REELD1: variants seen among roughly 807,000 people sequenced by gnomAD.
REELD1 encodes reeler domain containing 1.
A neutral mutation model predicts 6.3 loss-of-function variants in REELD1; 12 were observed. The observed-to-expected ratio is 1.89, with a 90% CI of 1.21 to 3.07. The LOEUF is 3.07. Ranked by LOEUF, REELD1 falls within the 30% of genes most tolerant of loss-of-function variation. The pLI, the probability that REELD1 is intolerant of heterozygous loss-of-function variation, is 0.00. For synonymous variants in REELD1, 57 were observed against 33.6 expected (o/e 1.70, Z -2.42); for missense variants, 163 against 86.8 (o/e 1.88, Z -3.49).
intron 1 of REELD1, among the ~76,000 whole-genome samples, 162 bp from the exon 2 acceptor site, chr4:146,214,914 G>C (rs994940310): frequency 1.1e-4 from 17 of 151,980 alleles, no homozygotes; most frequent in Admixed American, 5.9e-4. Flanking sequence ...GAAACCTAAG[G>C]CAGGAGGGTG....
intron 2 of REELD1, among the ~76,000 whole-genome samples, chr4:146,215,990 A>G (rs1368586421): frequency 6.6e-6 from 1 of 152,174 alleles, no homozygotes; most frequent in African/African-American, 2.4e-5. Flanking sequence ...TGCTCACGCA[A>G]TCCACCTGCC....
intron 2 of REELD1, among the ~76,000 whole-genome samples, chr4:146,215,455 T>C (rs1363548707): frequency 6.6e-6 from 1 of 152,208 alleles, no homozygotes; most frequent in Admixed American, 6.5e-5. Flanking sequence ...AAATTTGAGG[T>C]ATAGATCATA....
Position 146,230,047 on chromosome 4 carries a change from C to T in REELD1, c.1115C>T (p.Thr372Ile). 1 of 398,820 alleles carries T rather than the reference C, an allele frequency of 2.5e-6. No individual in the cohort carries two copies. The highest frequency in any genetic ancestry group is 4.4e-6 in the Non-Finnish European group (1 of 226,190). 24.7% of individuals were successfully genotyped at this position (398,820 alleles called of 1,614,324 possible). A position where few individuals can be genotyped will look rare whatever the true frequency, so the allele number is the denominator to read the frequency against. Residue 372 changes from threonine (T) to isoleucine (I), a missense_variant, in exon 8 of 8, where the codon ACC becomes ATC. Physicochemically the swap from Thr to Ile is moderately conservative, Grantham distance 89. Coordinates refer to ENST00000623665, the MANE Select transcript of REELD1 (RefSeq NM_001354631.1). The part of the protein sequence containing the change: ...RASNPIPVLQ[T>I]SGTSGLPAAG... ...AGCAACCCAATCCCTGTCCTCCAGACCTCTGGCACTTCTGGGCTACCTGCT... is the reference window on the plus strand; with the variant it reads ...AGCAACCCAATCCCTGTCCTCCAGATCTCTGGCACTTCTGGGCTACCTGCT...
At chr4:146,227,927 C>T (rs993574109) in intron 5 of REELD1, among the ~76,000 whole-genome samples, 3 of 152,092 alleles carry the variant, frequency 2.0e-5, no homozygotes, top group African/African-American at 7.2e-5. Flanking sequence ...ATGGTGGTCA[C>T]AGTGCTTTCT....
At chr4:146,218,235 C>T (rs1007229155) in intron 3 of REELD1, among the ~76,000 whole-genome samples, 10 of 152,208 alleles carry the variant, frequency 6.6e-5, no homozygotes, top group East Asian at 1.9e-4. Context: ...TTACCAGTTT[C>T]GGGTTGCCCC....
rs565260036 is a variant in REELD1, at chr4:146,217,280, T to G, written c.208+120T>G. On this transcript the variant is annotated intron_variant, in intron 3 of 7. Coordinates refer to ENST00000623665, the MANE Select transcript of REELD1 (RefSeq NM_001354631.1). ...CTAAATTTGGCTTAATCCCTTTTTTTTGTTTTTTGTAGAGATGGAGTCTCA... is the reference window on the plus strand; with the variant it reads ...CTAAATTTGGCTTAATCCCTTTTTTGTGTTTTTTGTAGAGATGGAGTCTCA... The G allele has an allele frequency of 1.3e-4, 52 of 397,348 alleles. No individual in the cohort carries two copies. The South Asian group carries it at 2.3e-3, about 17-fold the overall frequency. The allele number at this position is 397,348 out of a possible 1,614,324, so 24.6% of individuals were successfully genotyped here. A position where few individuals can be genotyped will look rare whatever the true frequency, so the allele number is the denominator to read the frequency against.
chr4:146,230,796 G>A lies in REELD1; in HGVS notation c.*283G>A, dbSNP rs770932234. ...CAACACAATGAATATTGTATAACCC[G>A]CTCATTAACTAGACCCCTGTGGCCA... On this transcript the variant is annotated 3_prime_UTR_variant, in exon 8 of 8. Coordinates refer to ENST00000623665, the MANE Select transcript of REELD1 (RefSeq NM_001354631.1). The A allele has an allele frequency of 1.5e-4, 36 of 239,028 alleles. No individual in the cohort carries two copies. The highest frequency in any genetic ancestry group is 6.0e-4 in the African/African-American group (27 of 44,888). The allele number at this position is 239,028 out of a possible 1,614,324, so 14.8% of individuals were successfully genotyped here.
chr4:146,227,748 G>A (rs1360834999), intron 5 of REELD1, among the ~76,000 whole-genome samples: 1 of 152,190 alleles, frequency 6.6e-6, no homozygotes, highest in African/African-American at 2.4e-5. Flanking sequence ...TTGAAGGGCA[G>A]TGATCTCGTC....
At chr4:146,224,198 A>G (rs1730977109) in intron 4 of REELD1, among the ~76,000 whole-genome samples, 1 of 152,230 alleles carries the variant, frequency 6.6e-6, no homozygotes, top group Non-Finnish European at 1.5e-5. Flanking sequence ...GTATTTATTC[A>G]AGAGGACTAT....
chr4:146,228,603 A>G (rs891986328), intron 6 of REELD1, 81 bp downstream of exon 6: 2 of 611,398 alleles, frequency 3.3e-6, no homozygotes. Flanking sequence ...AGTCTGACAA[A>G]AAAGATCTCA....
chr4:146,229,686 C>T (rs1731090213), intron 7 of REELD1, among the ~76,000 whole-genome samples: 1 of 152,100 alleles, frequency 6.6e-6, no homozygotes, highest in Admixed American at 6.5e-5. Context: ...CTTCCTTGTT[C>T]TCTGTGGGGT....
chr4:146,218,108 G>A (rs182221522), intron 3 of REELD1, among the ~76,000 whole-genome samples: 10 of 152,340 alleles, frequency 6.6e-5, no homozygotes, highest in Admixed American at 3.3e-4. Flanking sequence ...AGTCAAGGGC[G>A]TGCAACTGAG....
At chr4:146,221,428 A>G (rs957958220) in intron 3 of REELD1, among the ~76,000 whole-genome samples, 1 of 152,254 alleles carries the variant, frequency 6.6e-6, no homozygotes, top group African/African-American at 2.4e-5. Flanking sequence ...AAAAAGTTGG[A>G]TGGTTTATAG....
rs926038997 is a variant in REELD1, at chr4:146,229,121, C to A, written c.972+33C>A. Reference sequence around the variant, plus strand: ...CCTGAACTGTGAAGTGGGCTTGTGACTGGTATTTTGATCCTAGAATGGTCA... The same window carrying A: ...CCTGAACTGTGAAGTGGGCTTGTGAATGGTATTTTGATCCTAGAATGGTCA... On this transcript the variant is annotated intron_variant, in intron 7 of 7. Coordinates refer to ENST00000623665, the MANE Select transcript of REELD1 (RefSeq NM_001354631.1). 3.0e-5 allele frequency: 21 copies of A among 699,358 alleles called. No individual in the cohort carries two copies. The African/African-American group carries it at 3.7e-4, about 12-fold the overall frequency. The allele number at this position is 699,358 out of a possible 1,614,324, so 43.3% of individuals were successfully genotyped here.
At chr4:146,218,705 C>G (rs963942728) in intron 3 of REELD1, among the ~76,000 whole-genome samples, 4 of 152,096 alleles carry the variant, frequency 2.6e-5, no homozygotes, top group Non-Finnish European at 5.9e-5. Flanking sequence ...TTTAGCACAC[C>G]GGGGCAAATG....
intron 3 of REELD1, among the ~76,000 whole-genome samples, chr4:146,218,707 G>C (rs1730867921): frequency 6.6e-6 from 1 of 152,090 alleles, no homozygotes; most frequent in Admixed American, 6.5e-5. Context: ...TAGCACACCG[G>C]GGCAAATGCA....
At chr4:146,215,289 G>C (rs1490538109) in intron 2 of REELD1, 91 bp downstream of exon 2, 1 of 152,256 alleles carries the variant, frequency 6.6e-6, no homozygotes, top group Non-Finnish European at 1.5e-5. Context: ...CCTTGACTGA[G>C]AATGTGCTTT....
intron 4 of REELD1, among the ~76,000 whole-genome samples, chr4:146,223,605 T>C (rs889499678): frequency 1.3e-5 from 2 of 152,232 alleles, no homozygotes; most frequent in Admixed American, 6.5e-5. Context: ...TCATAGTTGC[T>C]GCGTGCCACA....
chr4:146,229,837 A>T (rs1279229785), intron 7 of REELD1, 68 bp from the exon 8 acceptor site: 1 of 397,990 alleles, frequency 2.5e-6, no homozygotes, highest in Non-Finnish European at 4.4e-6. Flanking sequence ...CCAGTTAGTT[A>T]CAAAGTTCAG....
Sources: allele counts gnomAD v4.1 joint callset (sites outside exome capture counted in the v4.1 genomes callset), GRCh38; gene constraint gnomAD v4.1.1; transcripts MANE v1.5; gene names NCBI Gene and HGNC (gene_info 2026-07-23, HGNC 2026-07-21).